Variants in FGF1 observed in about 807,000 individuals in gnomAD.
FGF1 encodes beta-endothelial cell growth factor.
Under a neutral mutation model 13.4 loss-of-function variants are expected in FGF1, and 9 were observed. The observed-to-expected ratio is 0.67, with a 90% confidence interval of 0.40 to 1.17. The LOEUF (loss-of-function observed/expected upper bound fraction) is 1.17. FGF1 is among the 50% of genes most tolerant of loss of function. The pLI is 0.01. For missense variants in FGF1, 156 were observed against 192.7 expected, an observed-to-expected ratio of 0.81 and a Z score of 1.13; for synonymous variants, 93 against 79.0, an observed-to-expected ratio of 1.18 and a Z score of -0.94.
intron 2 of FGF1, among the ~76,000 whole-genome samples, chr5:142,613,273 C>A (rs1246857716): frequency 6.6e-6 from 1 of 152,224 alleles, no homozygotes; most frequent in Non-Finnish European, 1.5e-5. Context: ...CAAGAAGATT[C>A]TTTTCTCTAG....
chr5:142,624,748 A>G (rs1270715504), intron 1 of FGF1, among the ~76,000 whole-genome samples: 1 of 152,212 alleles, frequency 6.6e-6, no homozygotes, highest in Non-Finnish European at 1.5e-5. Flanking sequence ...TGCTGTAGAC[A>G]TCCTGGAAAT....
chr5:142,668,266 A>G (rs9324887), intron 1 of FGF1, among the ~76,000 whole-genome samples: 49,566 of 152,228 alleles, frequency 0.33, 8,636 homozygotes, highest in African/African-American at 0.45. Context: ...ATCAATTTGC[A>G]TTCAACATAC....
intron 1 of FGF1, among the ~76,000 whole-genome samples, chr5:142,621,929 G>C (rs1225760670): frequency 6.6e-6 from 1 of 152,174 alleles, no homozygotes; most frequent in African/African-American, 2.4e-5. Flanking sequence ...AATTCCTCAT[G>C]AAAGCCTTTC....
chr5:142,597,659 C>T (rs997317443), intron 3 of FGF1, among the ~76,000 whole-genome samples: 15 of 152,162 alleles, frequency 9.9e-5, no homozygotes, highest in Non-Finnish European at 1.6e-4. Flanking sequence ...TTTTTCAAGT[C>T]GTGTGACCCC....
intron 1 of FGF1, among the ~76,000 whole-genome samples, chr5:142,682,864 GAT>G (rs1198971279): frequency 6.6e-6 from 1 of 152,092 alleles, no homozygotes; most frequent in African/African-American, 2.4e-5. Flanking sequence ...CACTGGCCCA[GAT>G]GCTTGTTCTT....
chr5:142,671,654 T>C (rs986497669), intron 1 of FGF1: 3 of 152,238 alleles, frequency 2.0e-5, no homozygotes, highest in Non-Finnish European at 4.4e-5. Flanking sequence ...TTTTGAGTGA[T>C]TTCTAAATTC....
intron 2 of FGF1, among the ~76,000 whole-genome samples, chr5:142,696,087 G>A (rs1406582723): frequency 1.3e-5 from 2 of 152,136 alleles, no homozygotes; most frequent in Non-Finnish European, 2.9e-5. Flanking sequence ...GCATGGTCTG[G>A]GAGCTAAGCC....
At chr5:142,607,912 T>A (rs1758039812) in intron 2 of FGF1, among the ~76,000 whole-genome samples, 1 of 152,228 alleles carries the variant, frequency 6.6e-6, no homozygotes, top group Admixed American at 6.5e-5. Context: ...TCACACCTTT[T>A]GTCTGAGGAA....
At chr5:142,648,713 A>AAAAAAAG (rs1766658042) in intron 1 of FGF1, among the ~76,000 whole-genome samples, 1 of 144,050 alleles carries the variant, frequency 6.9e-6, no homozygotes. Context: ...AAAAAAAAAA[A>AAAAAAAG]GAACAAGTGT....
intron 1 of FGF1, among the ~76,000 whole-genome samples, chr5:142,685,067 T>C (rs1229188059): frequency 1.3e-5 from 2 of 152,218 alleles, no homozygotes; most frequent in African/African-American, 4.8e-5. Context: ...CTTGATTAAA[T>C]GCCTGAAATT....
intron 1 of FGF1, among the ~76,000 whole-genome samples, chr5:142,651,504 C>G (rs1427678448): frequency 1.3e-5 from 2 of 152,146 alleles, no homozygotes; most frequent in Non-Finnish European, 2.9e-5. Context: ...CATTATCACC[C>G]AGGGTCCATA....
chr5:142,607,272 C>G (rs971934263), intron 2 of FGF1, among the ~76,000 whole-genome samples: 1 of 152,088 alleles, frequency 6.6e-6, no homozygotes, highest in Admixed American at 6.6e-5. Flanking sequence ...ACTTCTCTGT[C>G]CACTCCCTTT....
chr5:142,647,516 T>C (rs532111697), intron 1 of FGF1, among the ~76,000 whole-genome samples: 2 of 152,178 alleles, frequency 1.3e-5, no homozygotes, highest in African/African-American at 2.4e-5. Flanking sequence ...TTAATTTGTC[T>C]TTTGTCAGTC....
intron 2 of FGF1, 151 bp downstream of exon 2, chr5:142,613,808 T>G: frequency 1.3e-6 from 1 of 769,224 alleles, no homozygotes; most frequent in Non-Finnish European, 2.0e-6. Flanking sequence ...CCCAGACATT[T>G]TACGCATTTA....
At chr5:142,604,901 G>A (rs977443357) in intron 2 of FGF1, among the ~76,000 whole-genome samples, 1 of 152,102 alleles carries the variant, frequency 6.6e-6, no homozygotes, top group African/African-American at 2.4e-5. Context: ...ACCCTCTTGT[G>A]TTCAAGATCA....
intron 1 of FGF1, among the ~76,000 whole-genome samples, chr5:142,627,561 C>A (rs75545141): frequency 0.019 from 2,844 of 152,332 alleles, 88 homozygotes; most frequent in African/African-American, 0.065. Context: ...GAAGGAATGT[C>A]AACCCTGTGG....
At chr5:142,644,518 G>A (rs537176346) in intron 1 of FGF1, among the ~76,000 whole-genome samples, 2 of 152,038 alleles carry the variant, frequency 1.3e-5, no homozygotes, top group Non-Finnish European at 2.9e-5. Context: ...AGTGACTCTG[G>A]GAGCAACCCC....
At chr5:142,669,953 C>G (rs895652363) in intron 1 of FGF1, among the ~76,000 whole-genome samples, 2 of 152,146 alleles carry the variant, frequency 1.3e-5, no homozygotes, top group Non-Finnish European at 2.9e-5. Flanking sequence ...CCAAGAAGTA[C>G]AGGATCACAG....
chr5:142,655,455 G>A (rs1561680458), intron 1 of FGF1, among the ~76,000 whole-genome samples: 1 of 152,132 alleles, frequency 6.6e-6, no homozygotes, highest in Non-Finnish European at 1.5e-5. Context: ...GACAGAAAAC[G>A]TCAATCTCAG....
Sources: gnomAD v4.1 joint callset for allele counts (sites outside exome capture counted in the v4.1 genomes callset) on GRCh38, gnomAD v4.1.1 for gene constraint, MANE v1.5 for transcripts, NCBI Gene and HGNC (gene_info 2026-07-23, HGNC 2026-07-21) for gene names.